LARGE1: variants seen among roughly 807,000 people sequenced by gnomAD.
LARGE1 encodes the protein xylosyl- and glucuronyltransferase LARGE1.
A neutral mutation model predicts 87.6 loss-of-function variants in LARGE1; 43 were observed. That is an observed-to-expected ratio of 0.49 (90% CI 0.38 to 0.63). The LOEUF (loss-of-function observed/expected upper bound fraction) is 0.63. Ranked by LOEUF, LARGE1 falls within the 30% of genes least tolerant of loss-of-function variation. The pLI, the probability that LARGE1 is intolerant of heterozygous loss-of-function variation, is 0.00. For synonymous variants in LARGE1, 434 were observed against 394.6 expected, an observed-to-expected ratio of 1.10 and a Z score of -1.18; for missense variants, 802 against 1,000.2, an observed-to-expected ratio of 0.80 and a Z score of 2.67.
intron 5 of LARGE1, among the ~76,000 whole-genome samples, chr22:33,567,222 T>C (rs1166556255): frequency 1.3e-5 from 2 of 151,968 alleles, no homozygotes; most frequent in African/African-American, 2.4e-5. Context: ...ATGTGGTTAC[T>C]TAGTTTTTTT....
intron 14 of LARGE1, among the ~76,000 whole-genome samples, chr22:33,275,475 T>A (rs899294983): frequency 6.6e-6 from 1 of 152,072 alleles, no homozygotes; most frequent in Non-Finnish European, 1.5e-5. Context: ...GGTAGAACAA[T>A]ACAACAGCAG....
intron 6 of LARGE1, among the ~76,000 whole-genome samples, chr22:33,496,625 A>G (rs1004372910): frequency 6.6e-6 from 1 of 152,208 alleles, no homozygotes; most frequent in Non-Finnish European, 1.5e-5. Flanking sequence ...TGTTGTTAGC[A>G]GCCTGAATGG....
chr22:33,618,775 C>G (rs2079653928), intron 4 of LARGE1, among the ~76,000 whole-genome samples: 2 of 152,214 alleles, frequency 1.3e-5, no homozygotes, highest in Non-Finnish European at 2.9e-5. Context: ...AAGCCAGAAA[C>G]AGTCCTGGGT....
intron 11 of LARGE1, among the ~76,000 whole-genome samples, chr22:33,266,382 C>T (rs1053722488): frequency 2.0e-5 from 3 of 151,210 alleles, no homozygotes; most frequent in Admixed American, 6.6e-5. Context: ...CCACCATGCC[C>T]AGCTAATTTT....
At chr22:33,561,027 G>A (rs1231364378) in intron 6 of LARGE1, among the ~76,000 whole-genome samples, 1 of 152,146 alleles carries the variant, frequency 6.6e-6, no homozygotes, top group Non-Finnish European at 1.5e-5. Flanking sequence ...TGTTAGCCAG[G>A]ATGGTTTCGA....
intron 6 of LARGE1, among the ~76,000 whole-genome samples, chr22:33,459,603 A>AC (rs1011397276): frequency 6.6e-6 from 1 of 151,654 alleles, no homozygotes; most frequent in African/African-American, 2.4e-5. Context: ...CCCAATTCAT[A>AC]CCCCCAATAG....
At chr22:33,797,276 C>T (rs548414060) in intron 1 of LARGE1, among the ~76,000 whole-genome samples, 2 of 152,304 alleles carry the variant, frequency 1.3e-5, no homozygotes, top group East Asian at 3.9e-4. Context: ...CCCTTCTCAG[C>T]TCCCCTTCAC....
chr22:33,640,385 T>C (rs2080391587), intron 3 of LARGE1, among the ~76,000 whole-genome samples: 1 of 152,174 alleles, frequency 6.6e-6, no homozygotes, highest in South Asian at 2.1e-4. Context: ...CTACCAAAAA[T>C]AACTTTTTAA....
chr22:33,602,401 C>T (rs895459546), intron 5 of LARGE1, among the ~76,000 whole-genome samples: 4 of 152,076 alleles, frequency 2.6e-5, no homozygotes, highest in Admixed American at 2.0e-4. Flanking sequence ...AATTGTACCA[C>T]ATGCCAGCTC....
chr22:33,442,597 A>G (rs2067518878), intron 6 of LARGE1, among the ~76,000 whole-genome samples: 1 of 152,096 alleles, frequency 6.6e-6, no homozygotes, highest in African/African-American at 2.4e-5. Flanking sequence ...CTGCCTTCCA[A>G]CCTGATTGGG....
chr22:33,583,219 G>T (rs1193846922), intron 5 of LARGE1, among the ~76,000 whole-genome samples: 2 of 152,078 alleles, frequency 1.3e-5, no homozygotes, highest in Non-Finnish European at 2.9e-5. Context: ...TTCTGTCACA[G>T]CCACCATGTC....
intron 1 of LARGE1, among the ~76,000 whole-genome samples, chr22:33,806,113 C>G (rs534990036): frequency 3.3e-5 from 5 of 152,160 alleles, no homozygotes; most frequent in Non-Finnish European, 5.9e-5. Flanking sequence ...TCCCTCCCAG[C>G]CCCTGGTAAT....
chr22:33,213,552 C>T (rs1002669882), intron 11 of LARGE1, among the ~76,000 whole-genome samples: 6 of 152,196 alleles, frequency 3.9e-5, no homozygotes, highest in African/African-American at 1.4e-4. Context: ...ACCCCAGCTT[C>T]CAGCAACCGC....
the LARGE1 span, among the ~76,000 whole-genome samples, chr22:33,066,753 G>A: frequency 0.32 from 47,971 of 152,024 alleles, 7,895 homozygotes; most frequent in Non-Finnish European, 0.35. Flanking sequence ...GCTATTCTAA[G>A]CAGAGGCAAG....
rs543794947 is a variant in LARGE1, at chr22:33,233,205, T to C, written c.1731-66373A>G. Among the ~76,000 whole-genome samples, 34 of 152,090 alleles carry C rather than the reference T, an allele frequency of 2.2e-4. No homozygotes were observed. The South Asian group carries it at 7.1e-3, about 32-fold the overall frequency. ...GGGGAGAGAGAGAACAGAATGAGTG[T>C]GGAGGAGAGGTAACTTCCGGGTATA... On this transcript the variant is annotated intron_variant, in intron 11 of 11. Coordinates refer to the LARGE1 transcript ENST00000608642.
At chr22:33,155,964 C>T in the LARGE1 span, among the ~76,000 whole-genome samples, 12 of 117,596 alleles carry the variant, frequency 1.0e-4, no homozygotes, top group African/African-American at 3.0e-4. Flanking sequence ...AGGGTGGAAG[C>T]CCCAACCAAG....
chr22:33,698,353 T>G (rs1332495515), intron 2 of LARGE1, among the ~76,000 whole-genome samples: 17 of 141,786 alleles, frequency 1.2e-4, no homozygotes. Flanking sequence ...CAGGCTGGAG[T>G]GCAGTGGTGT....
chr22:33,278,147 C>T (rs539676091), intron 13 of LARGE1, among the ~76,000 whole-genome samples: 1 of 152,294 alleles, frequency 6.6e-6, no homozygotes, highest in South Asian at 2.1e-4. Context: ...TGGAAGAAAG[C>T]AAGGAGCTAT....
intron 1 of LARGE1, among the ~76,000 whole-genome samples, chr22:33,832,127 G>A (rs759161923): frequency 3.3e-5 from 5 of 152,096 alleles, no homozygotes; most frequent in Non-Finnish European, 5.9e-5. Context: ...CCATAATACC[G>A]TGCTTTTCTT....
Sources: allele counts gnomAD v4.1 joint callset (sites outside exome capture counted in the v4.1 genomes callset), GRCh38; gene constraint gnomAD v4.1.1; transcripts MANE v1.5; gene names NCBI Gene and HGNC (gene_info 2026-07-23, HGNC 2026-07-21).